TGFBRAP1: variants seen among roughly 807,000 people sequenced by gnomAD.
TGFBRAP1 encodes transforming growth factor beta receptor associated protein 1, also known as transforming growth factor-beta receptor-associated protein 1.
A neutral mutation model predicts 83.2 loss-of-function variants in TGFBRAP1; 20 were observed. That is an observed-to-expected ratio of 0.24 (90% confidence interval 0.17 to 0.35). The LOEUF (loss-of-function observed/expected upper bound fraction) is 0.35, where lower values mean the gene tolerates loss of function less well. TGFBRAP1 is among the 10% of genes least tolerant of loss of function. The probability of loss-of-function intolerance (pLI) is 1.00; values close to 1 mark genes in which losing one functional copy is unlikely to be tolerated. For missense variants in TGFBRAP1, 950 were observed against 1,099.4 expected (o/e 0.86, Z 1.92); for synonymous variants, 415 against 459.8 (o/e 0.90, Z 1.25).
At position 105,302,158 on chromosome 2, in the gene TGFBRAP1, A is replaced by G. The variant is rs79097782; in HGVS notation, c.689-3453T>C. Reference sequence around the variant, plus strand: ...AAACTACACTGAAAAACCATTTCTCATGTACTAGACTGGCAAAAACACACA... The same window carrying G: ...AAACTACACTGAAAAACCATTTCTCGTGTACTAGACTGGCAAAAACACACA... On this transcript the variant is annotated intron_variant, in intron 2 of 11. Transcript: ENST00000393359. 9.4e-3 allele frequency among the ~76,000 whole-genome samples: 1,427 copies of G among 152,296 alleles called. 29 individuals are homozygous for G. The highest frequency in any genetic ancestry group is 0.033 in the African/African-American group (1,362 of 41,548).
intron 6 of TGFBRAP1, among the ~76,000 whole-genome samples, chr2:105,279,926 T>C (rs1677473564): frequency 6.6e-6 from 1 of 151,820 alleles, no homozygotes; most frequent in Non-Finnish European, 1.5e-5. Context: ...TAGTCCCAGT[T>C]ACTTGGGAGG....
At position 105,275,657 on chromosome 2, in the gene TGFBRAP1, G is replaced by A. The variant is rs1356718772; in HGVS notation, c.1568C>T (p.Ser523Leu). Residue 523 changes from serine (S) to leucine (L), a missense_variant, in exon 8 of 12, where the codon TCA becomes TTA. By Grantham distance (145) the Ser-to-Leu change is moderately radical (BLOSUM62 -2). Transcript: ENST00000393359. ...ATCCACGATGTATTCATACAGGTCT[G>A]AGCGTGTGGAGTCCTGGACATCGCC... ...VNGDVQDSTR[S>L]DLYEYIVDFL... The A allele has an allele frequency of 6.2e-7, 1 of 1,614,010 alleles. No homozygotes were observed. The highest frequency in any genetic ancestry group is 8.5e-7 in the Non-Finnish European group (1 of 1,180,042).
intron 8 of TGFBRAP1, 68 bp from the exon 9 acceptor site, chr2:105,273,758 T>C: frequency 6.4e-7 from 1 of 1,562,798 alleles, no homozygotes; most frequent in Non-Finnish European, 8.7e-7. Flanking sequence ...TTTATTTTGG[T>C]CATTGCACAT....
chr2:105,316,900 T>C (rs1361500730), intron 1 of TGFBRAP1, among the ~76,000 whole-genome samples: 3 of 151,730 alleles, frequency 2.0e-5, no homozygotes, highest in East Asian at 3.9e-4. Flanking sequence ...ACTCAACATA[T>C]ACAATATAAT....
At chr2:105,327,045 C>T (rs554698806) in intron 1 of TGFBRAP1, among the ~76,000 whole-genome samples, 1 of 152,238 alleles carries the variant, frequency 6.6e-6, no homozygotes. Flanking sequence ...CCAAATTATT[C>T]GGCAGTATCC....
At chr2:105,319,330 G>A (rs1396918623) in intron 1 of TGFBRAP1, among the ~76,000 whole-genome samples, 2 of 150,110 alleles carry the variant, frequency 1.3e-5, no homozygotes, top group Admixed American at 6.6e-5. Context: ...CCAAAGTGTT[G>A]CAATTACAGG....
chr2:105,294,726 T>C (rs910882122), intron 4 of TGFBRAP1, among the ~76,000 whole-genome samples: 4 of 152,140 alleles, frequency 2.6e-5, no homozygotes, highest in Admixed American at 6.5e-5. Flanking sequence ...ACAAGATGAC[T>C]AATATTTTCT....
Position 105,301,301 on chromosome 2 carries a change from C to T in TGFBRAP1, c.689-2596G>A, listed in dbSNP as rs1045698807. Among the ~76,000 whole-genome samples the T allele has an allele frequency of 5.8e-4, 88 of 151,892 alleles. 1 individual carries two copies. Among genetic ancestry groups the T allele is most frequent in the African/African-American group, 2.1e-3 (86 of 41,334 alleles). On this transcript the variant is annotated intron_variant, in intron 2 of 11. Coordinates refer to ENST00000393359, the MANE Select transcript of TGFBRAP1 (RefSeq NM_004257.6). ...ACACTCTTCAGTATAAGAAATGAAACTGGTCAGGTGCGATGGCTCAGGCCT... is the reference window on the plus strand; with the variant it reads ...ACACTCTTCAGTATAAGAAATGAAATTGGTCAGGTGCGATGGCTCAGGCCT...
intron 7 of TGFBRAP1, among the ~76,000 whole-genome samples, chr2:105,276,898 C>T (rs768914560): frequency 6.6e-6 from 1 of 152,168 alleles, no homozygotes; most frequent in African/African-American, 2.4e-5. Flanking sequence ...GCTTGGGGAA[C>T]ATGGCTGATG....
chr2:105,323,223 G>C (rs1165085500), intron 1 of TGFBRAP1, among the ~76,000 whole-genome samples: 1 of 152,162 alleles, frequency 6.6e-6, no homozygotes, highest in Non-Finnish European at 1.5e-5. Context: ...GCCTGGATGA[G>C]GAGGGAGAGC....
At chr2:105,275,528 C>T (rs1261379270) in intron 8 of TGFBRAP1, 32 bp downstream of exon 8, 3 of 1,611,240 alleles carry the variant, frequency 1.9e-6, no homozygotes, top group Admixed American at 1.7e-5. Flanking sequence ...CCTCCCCCAA[C>T]CAAAGAGAAT....
At chr2:105,309,065 C>T (rs1225356655) in intron 1 of TGFBRAP1, among the ~76,000 whole-genome samples, 1 of 152,212 alleles carries the variant, frequency 6.6e-6, no homozygotes, top group Non-Finnish European at 1.5e-5. Flanking sequence ...TGTGGACCGA[C>T]CGGTCCCTGG....
chr2:105,256,987 C>T, the TGFBRAP1 span, among the ~76,000 whole-genome samples: 1 of 152,212 alleles, frequency 6.6e-6, no homozygotes, highest in Non-Finnish European at 1.5e-5. Flanking sequence ...CAGGAAGTTA[C>T]CCTATATGGT....
chr2:105,309,890 T>G (rs1182506166), intron 1 of TGFBRAP1, among the ~76,000 whole-genome samples: 3 of 152,144 alleles, frequency 2.0e-5, no homozygotes, highest in South Asian at 4.1e-4. Flanking sequence ...ATTAGTGCCC[T>G]TATTAAAGAG....
intron 5 of TGFBRAP1, among the ~76,000 whole-genome samples, chr2:105,281,072 G>T (rs1029563047): frequency 6.6e-6 from 1 of 152,214 alleles, no homozygotes; most frequent in Non-Finnish European, 1.5e-5. Context: ...CGCCATCAGA[G>T]TCTGCGCAAA....
At chr2:105,328,156 G>A (rs1679274225) in intron 1 of TGFBRAP1, among the ~76,000 whole-genome samples, 1 of 152,094 alleles carries the variant, frequency 6.6e-6, no homozygotes, top group Non-Finnish European at 1.5e-5. Context: ...TTTGATGGAG[G>A]AATTTGAGAC....
chr2:105,258,774 CTGT>C, the TGFBRAP1 span, among the ~76,000 whole-genome samples: 1 of 148,590 alleles, frequency 6.7e-6, no homozygotes, highest in African/African-American at 2.5e-5. Flanking sequence ...CACACACACA[CTGT>C]CTCTCTCTCT....
chr2:105,310,004 C>CTTCA (rs563735456), intron 1 of TGFBRAP1, among the ~76,000 whole-genome samples: 153 of 152,270 alleles, frequency 1.0e-3, no homozygotes, highest in African/African-American at 3.5e-3. Flanking sequence ...GCCTACCATG[C>CTTCA]CTTAATCTTG....
intron 1 of TGFBRAP1, among the ~76,000 whole-genome samples, chr2:105,328,320 G>A (rs141907019): frequency 6.6e-6 from 1 of 152,260 alleles, no homozygotes; most frequent in East Asian, 1.9e-4. Context: ...GCAGATTCCA[G>A]CCAGTAGACT....
Sources: allele counts gnomAD v4.1 joint callset (sites outside exome capture counted in the v4.1 genomes callset), GRCh38; gene constraint gnomAD v4.1.1; transcripts MANE v1.5; gene names NCBI Gene and HGNC (gene_info 2026-07-23, HGNC 2026-07-21).